LTN1: variants seen among roughly 807,000 people sequenced by gnomAD.
LTN1 encodes the protein listerin E3 ubiquitin protein ligase 1.
LTN1 carries 88 observed loss-of-function variants against 201.2 expected under a neutral mutation model. That is an observed-to-expected ratio of 0.44 (90% CI 0.37 to 0.52). LTN1 has a LOEUF of 0.52. Ranked by LOEUF, LTN1 falls within the 20% of genes least tolerant of loss-of-function variation. The pLI, the probability that LTN1 is intolerant of heterozygous loss-of-function variation, is 0.00. For synonymous variants in LTN1, 645 were observed against 713.5 expected, an observed-to-expected ratio of 0.90 and a Z score of 1.53; for missense variants, 1,752 against 2,038.7, an observed-to-expected ratio of 0.86 and a Z score of 2.71.
intron 11 of LTN1, chr21:28,964,614 G>C (rs922828397): frequency 1.9e-6 from 3 of 1,549,184 alleles, no homozygotes; most frequent in Admixed American, 3.9e-5. Context: ...CATATCTAAT[G>C]AAAGAAGCTG....
intron 18 of LTN1, among the ~76,000 whole-genome samples, chr21:28,951,894 C>G (rs534837171): frequency 3.9e-4 from 59 of 152,160 alleles, no homozygotes; most frequent in African/African-American, 1.4e-3. Flanking sequence ...CACTTGACCA[C>G]AGGAGGTTGA....
intron 11 of LTN1, among the ~76,000 whole-genome samples, chr21:28,963,578 G>A (rs1224217915): frequency 6.6e-6 from 1 of 152,224 alleles, no homozygotes; most frequent in Non-Finnish European, 1.5e-5. Flanking sequence ...TGATGGAGAT[G>A]TACAAGGAAA....
chr21:28,939,898 A>G (rs2084284056), intron 25 of LTN1, among the ~76,000 whole-genome samples: 1 of 152,206 alleles, frequency 6.6e-6, no homozygotes. Flanking sequence ...TAAAGAGAAA[A>G]CTAATCTATT....
chr21:28,941,111 G>A, intron 25 of LTN1, 109 bp downstream of exon 25: 1 of 745,440 alleles, frequency 1.3e-6, no homozygotes, highest in Non-Finnish European at 2.2e-6. Context: ...TAAAAGATGA[G>A]ATTAAAACAT....
intron 25 of LTN1, among the ~76,000 whole-genome samples, chr21:28,940,390 G>A (rs1404932910): frequency 6.6e-6 from 1 of 152,144 alleles, no homozygotes. Context: ...ACATCTAGTG[G>A]CTGCTAGAAT....
In LTN1 at chr21:28,971,306, A is replaced by G; in HGVS notation, c.949T>C (p.Trp317Arg). 6.2e-7 allele frequency: 1 copy of G among 1,614,054 alleles called. No individual in the cohort carries two copies. Among genetic ancestry groups the G allele is most frequent in the Non-Finnish European group, 8.5e-7 (1 of 1,179,956 alleles). The change falls in exon 7 of 30, where the codon TGG becomes CGG. Residue 317 changes from tryptophan (W) to arginine (R), a missense_variant. Physicochemically the swap from Trp to Arg is moderately radical, Grantham distance 101. Around this residue, in one of 3 missense-constraint regions of LTN1, gnomAD observed 280 missense variants for 375.7 expected, o/e 0.75. Transcript: ENST00000361371. ...GTAAGTGTATAGAGTACAGCTTCCC[A>G]GAGAGCTGGGCAGACAATTGGGTCA... ...DSDPIVCPALWEAVLYTLTTI... is the reference protein window; with the variant it reads ...DSDPIVCPALREAVLYTLTTI...
chr21:28,986,435 C>T lies in LTN1; in HGVS notation c.247-198G>A. On this transcript the variant is annotated intron_variant, in intron 2 of 29. Transcript: ENST00000361371. This position sits in a 1 kb window ranked among gnomAD's most constrained non-coding sequence, Gnocchi z 4.1. ...TTCAGTTGTTTTTTTAAAAATAAAA[C>T]ATCTACAAACAAAAAAACCTCATTT... 1.5e-6 allele frequency: 1 copy of T among 679,788 alleles called. No individual in the cohort carries two copies. Among genetic ancestry groups the T allele is most frequent in the Non-Finnish European group, 2.6e-6 (1 of 377,956 alleles). 42.1% of individuals were successfully genotyped at this position (679,788 alleles called of 1,614,324 possible).
intron 1 of LTN1, among the ~76,000 whole-genome samples, chr21:28,987,806 T>C (rs1335189696): frequency 6.6e-6 from 1 of 152,238 alleles, no homozygotes; most frequent in Non-Finnish European, 1.5e-5. Context: ...TTCTTATTTC[T>C]CTATAAGGAT....
chr21:28,974,600 GA>G (rs2084600592), intron 6 of LTN1, among the ~76,000 whole-genome samples: 1 of 152,300 alleles, frequency 6.6e-6, no homozygotes, highest in African/African-American at 2.4e-5. Context: ...AACTTCAGTA[GA>G]AAGACTGACA....
intron 21 of LTN1, 104 bp from the exon 22 acceptor site, chr21:28,944,700 A>G: frequency 2.4e-6 from 2 of 834,668 alleles, no homozygotes; most frequent in South Asian, 3.7e-5. Context: ...TTGAATTTTA[A>G]AACGAAAAGC....
At chr21:28,964,006 A>G (rs1330336872) in intron 11 of LTN1, among the ~76,000 whole-genome samples, 1 of 152,208 alleles carries the variant, frequency 6.6e-6, no homozygotes, top group Non-Finnish European at 1.5e-5. Context: ...ATGGATGAGG[A>G]GTTCCTTCTT....
intron 18 of LTN1, among the ~76,000 whole-genome samples, chr21:28,948,617 A>C (rs951836215): frequency 1.3e-5 from 2 of 152,106 alleles, no homozygotes; most frequent in Non-Finnish European, 2.9e-5. Flanking sequence ...TTTTATTCAC[A>C]TAAAAAGGAT....
chr21:28,936,458 G>A (rs1355097883), intron 26 of LTN1, 68 bp downstream of exon 26: 5 of 1,309,116 alleles, frequency 3.8e-6, no homozygotes, highest in Non-Finnish European at 4.1e-6. Flanking sequence ...CATTCTCAGG[G>A]AAAAGTTTAA....
intron 9 of LTN1, among the ~76,000 whole-genome samples, chr21:28,968,293 T>C (rs976522283): frequency 1.5e-4 from 23 of 152,110 alleles, no homozygotes; most frequent in Admixed American, 6.5e-5. Context: ...GCCTTAACTA[T>C]AGGCAAATCT....
rs2084555622 is a variant in LTN1 at position 28,969,534 on chromosome 21, A to T, written c.1243T>A (p.Cys415Ser). 2.5e-6 allele frequency: 4 copies of T among 1,612,638 alleles called. No individual in the cohort carries two copies. Among genetic ancestry groups the T allele is most frequent in the Middle Eastern group, 1.6e-4 (1 of 6,076 alleles). ...TTTTGCTGCATTATAAAACGTAAGC[A>T]TTCAAAAAAAGCAGATATTACTGCC... is the stretch of plus-strand genomic sequence containing the variant. ...SSAVISAFFECLRFIMQQNLG... is the reference protein window; with the variant it reads ...SSAVISAFFESLRFIMQQNLG... The change falls in exon 9 of 30, where the codon TGC becomes AGC. Residue 415 changes from cysteine to serine, a missense_variant. Physicochemically the swap from Cys to Ser is moderately radical, Grantham distance 112. Around this residue, in one of 3 missense-constraint regions of LTN1, gnomAD observed 1,211 missense variants for 1,312.8 expected, o/e 0.92. Coordinates refer to ENST00000361371, the MANE Select transcript of LTN1 (RefSeq NM_015565.3).
intron 14 of LTN1, 100 bp downstream of exon 14, chr21:28,958,286 A>G: frequency 1.8e-6 from 2 of 1,123,560 alleles, no homozygotes; most frequent in Non-Finnish European, 2.5e-6. Flanking sequence ...CGAGCCCTAC[A>G]AGTCATTTTT....
intron 11 of LTN1, among the ~76,000 whole-genome samples, chr21:28,962,677 G>A (rs2084489022): frequency 6.6e-6 from 1 of 152,210 alleles, no homozygotes; most frequent in Non-Finnish European, 1.5e-5. Flanking sequence ...CAAGTGGAAG[G>A]AAGAGTCACA....
At chr21:28,974,640 C>A (rs1335126760) in intron 6 of LTN1, among the ~76,000 whole-genome samples, 1 of 152,086 alleles carries the variant, frequency 6.6e-6, no homozygotes. Flanking sequence ...CTAGAAGAAC[C>A]AGGAAAGAAG....
At chr21:28,963,798 G>A (rs1677817452) in intron 11 of LTN1, among the ~76,000 whole-genome samples, 1 of 152,182 alleles carries the variant, frequency 6.6e-6, no homozygotes, top group African/African-American at 2.4e-5. Flanking sequence ...AGACATTCAT[G>A]AACCATGGGA....
Sources: allele counts gnomAD v4.1 joint callset (sites outside exome capture counted in the v4.1 genomes callset), GRCh38; gene constraint gnomAD v4.1.1; regional missense constraint gnomAD v4.1.1; non-coding constraint Gnocchi (gnomAD v3.1); transcripts MANE v1.5; gene names NCBI Gene and HGNC (gene_info 2026-07-23, HGNC 2026-07-21).